The following XRN2 variants were observed in gnomAD, a reference collection of about 807,000 sequenced individuals.
XRN2 encodes the protein DHM1-like protein.
In XRN2, 44 loss-of-function variants were observed where a neutral mutation model predicts 138.5. The observed-to-expected ratio is 0.32, with a 90% CI of 0.25 to 0.41. The LOEUF (loss-of-function observed/expected upper bound fraction) is 0.41, where lower values mean the gene tolerates loss of function less well. XRN2 is among the 10% of genes least tolerant of loss of function. XRN2 has a pLI of 1.00. For synonymous variants in XRN2, 354 were observed against 369.4 expected (o/e 0.96, Z 0.48); for missense variants, 937 against 1,169.3 (o/e 0.80, Z 2.90).
intron 27 of XRN2, among the ~76,000 whole-genome samples, chr20:21,377,264 C>CTTTTTTTTTTTT (rs761622310): frequency 0.11 from 9,221 of 82,250 alleles, 2,405 homozygotes; most frequent in African/African-American, 0.35. Context: ...TCGGTTTTTT[C>CTTTTTTTTTTTT]TTTTTTTTTT....
chr20:21,389,825 CTGTTT>C (rs2038970454), downstream of XRN2: 1 of 152,606 alleles, frequency 6.6e-6, no homozygotes, highest in Non-Finnish European at 1.5e-5. Context: ...TTTTAAAACT[CTGTTT>C]TGTGTTGTTA....
At position 21,330,656 on chromosome 20, in the gene XRN2, A is replaced by C; in HGVS notation, c.527A>C (p.Tyr176Ser). 6.2e-7 allele frequency: 1 copy of C among 1,613,460 alleles called. No individual in the cohort carries two copies. The highest frequency in any genetic ancestry group is 2.2e-5 in the East Asian group (1 of 44,822). ...FMDNLAKCLR[Y>S]YIADRLNNDP... ...GACAATCTTGCTAAATGCCTTCGCT[A>C]TTACATAGCTGATCGTTTAAATAAT... The change falls in exon 6 of 30, where the codon TAT becomes TCT. Residue 176 changes from tyrosine to serine, a missense_variant. Physicochemically the swap from Tyr to Ser is moderately radical, Grantham distance 144. This residue lies in a region of XRN2 where 471 missense variants were observed against 581.2 expected (regional missense o/e 0.81). Transcript: ENST00000377191.
At position 21,334,104 on chromosome 20, in the gene XRN2, C is replaced by T. The variant is rs2038253832; in HGVS notation, c.1152C>T (p.Val384=). ...GTTACCTTACAGAAAGTGGTTATGTCAATCTGCAAAGAGTACAGATGATCA... is the reference window on the plus strand; with the variant it reads ...GTTACCTTACAGAAAGTGGTTATGTTAATCTGCAAAGAGTACAGATGATCA... ...TGGYLTESGY[V]NLQRVQMIML... is the part of the protein sequence containing the mutation. The change falls in exon 13 of 30, where the codon GTC becomes GTT. Residue 384 remains valine (V), a synonymous_variant. Transcript: ENST00000377191. The T allele has an allele frequency of 4.3e-6, 7 of 1,613,770 alleles. No homozygotes were observed. The African/African-American group carries it at 6.7e-5, about 15-fold the overall frequency.
intron 27 of XRN2, among the ~76,000 whole-genome samples, chr20:21,374,733 A>C: frequency 6.6e-6 from 1 of 152,016 alleles, no homozygotes; most frequent in African/African-American, 2.4e-5. Context: ...AAATCTATGT[A>C]TTATGAGAGA....
intron 20 of XRN2, among the ~76,000 whole-genome samples, chr20:21,353,223 GATATATATATATATATATATATAT>G (rs869071652): frequency 8.8e-5 from 10 of 113,858 alleles, no homozygotes; most frequent in Non-Finnish European, 1.2e-4. Flanking sequence ...TAGTGGGTAG[GATATATATATATATATATATATAT>G]ATATATATAT....
intron 1 of XRN2, among the ~76,000 whole-genome samples, chr20:21,314,574 A>G (rs2037931428): frequency 6.6e-6 from 1 of 151,656 alleles, no homozygotes; most frequent in African/African-American, 2.4e-5. Context: ...GCAGCCTTGA[A>G]CTCCTGGGTT....
chr20:21,348,070 A>G (rs1351581663), intron 17 of XRN2, 76 bp from the exon 18 acceptor site: 1 of 1,124,668 alleles, frequency 8.9e-7, no homozygotes, highest in Non-Finnish European at 1.2e-6. Context: ...TTAACAGTCT[A>G]ATTTTTGTTT....
rs1568584077 is a variant in XRN2 at position 21,348,116 on chromosome 20, A to T, written c.1666-30A>T. The stretch of plus-strand genomic sequence containing the variant: ...TGTTCATCATTAACATAGGTTTTTG[A>T]TTTTGTTGTTACTTTTTTAATGATT... On this transcript the variant is annotated intron_variant, in intron 17 of 29. Transcript: ENST00000377191. The T allele has an allele frequency of 2.5e-6, 4 of 1,570,428 alleles. No individual in the cohort carries two copies. The Admixed American group carries it at 6.2e-5, about 24-fold the overall frequency.
intron 16 of XRN2, among the ~76,000 whole-genome samples, chr20:21,345,592 T>G (rs1341161145): frequency 6.6e-6 from 1 of 152,172 alleles, no homozygotes; most frequent in African/African-American, 2.4e-5. Flanking sequence ...TTCTTTATGT[T>G]CCTTAAATGT....
intron 14 of XRN2, among the ~76,000 whole-genome samples, chr20:21,339,759 T>G (rs1389916312): frequency 6.6e-6 from 1 of 152,200 alleles, no homozygotes; most frequent in Non-Finnish European, 1.5e-5. Flanking sequence ...CTCTGGTGCT[T>G]CCTATGTCTG....
In XRN2 at chr20:21,344,175, G is replaced by A. The variant is rs1215542052; in HGVS notation, c.1496G>A (p.Ser499Asn). ...GGAATTAAGCGAAAAGCAGAAGACA[G>A]TGACAGTGAACCTGAGCCAGAGGAT... Reference protein sequence around the residue: ...LGGIKRKAEDSDSEPEPEDNV... With the variant: ...LGGIKRKAEDNDSEPEPEDNV... Residue 499 changes from serine to asparagine, a missense_variant, in exon 16 of 30, where the codon AGT (serine) becomes AAT (asparagine). By Grantham distance (46) the Ser-to-Asn change is conservative. Around this residue, in one of 6 missense-constraint regions of XRN2, gnomAD observed 471 missense variants for 581.2 expected, o/e 0.81. Transcript: ENST00000377191. 6 of 1,613,218 alleles carry A rather than the reference G, an allele frequency of 3.7e-6. No individual in the cohort carries two copies. In the Admixed American group the frequency reaches 1.0e-4, roughly 27 times the overall value.
chr20:21,332,172 A>T, intron 8 of XRN2, 111 bp from the exon 9 acceptor site: 1 of 1,338,132 alleles, frequency 7.5e-7, no homozygotes, highest in African/African-American at 1.5e-5. Context: ...TTTGCTGCTC[A>T]TTTGGGTGCT....
intron 27 of XRN2, among the ~76,000 whole-genome samples, chr20:21,371,950 T>C (rs537900545): frequency 1.4e-4 from 21 of 152,380 alleles, no homozygotes; most frequent in African/African-American, 4.8e-4. Flanking sequence ...TTTATTAATA[T>C]TACTTTGGTT....
chr20:21,309,283 T>TG (rs1438631187), intron 1 of XRN2, among the ~76,000 whole-genome samples: 1 of 152,228 alleles, frequency 6.6e-6, no homozygotes, highest in Admixed American at 6.5e-5. Context: ...CATCTGGACT[T>TG]GGAGTTTTGT....
chr20:21,346,360 A>G, intron 16 of XRN2, 55 bp from the exon 17 acceptor site: 1 of 1,597,514 alleles, frequency 6.3e-7, no homozygotes, highest in Non-Finnish European at 8.6e-7. Flanking sequence ...ATTAGTAGAC[A>G]GCCTGTTACT....
chr20:21,337,334 C>G (rs991631789), intron 13 of XRN2, among the ~76,000 whole-genome samples: 4 of 152,080 alleles, frequency 2.6e-5, no homozygotes, highest in Admixed American at 6.5e-5. Context: ...AAGGTAGAAC[C>G]AGTGGGATTG....
At position 21,332,322 on chromosome 20, in the gene XRN2, A is replaced by T; in HGVS notation, c.740A>T (p.Asn247Ile). 1 of 1,613,858 alleles carries T rather than the reference A, an allele frequency of 6.2e-7. No homozygotes were observed. The highest frequency in any genetic ancestry group is 8.5e-7 in the Non-Finnish European group (1 of 1,179,860). ...IMLGLATHEPNFTIIREEFKP... is the reference protein window; with the variant it reads ...IMLGLATHEPIFTIIREEFKP... ...CTTGGCCTTGCCACACATGAACCGA[A>T]CTTTACCATTATTAGAGAAGAATTC... The change falls in exon 9 of 30, where the codon AAC becomes ATC. Residue 247 changes from asparagine to isoleucine, a missense_variant. Coordinates refer to ENST00000377191, the MANE Select transcript of XRN2 (RefSeq NM_012255.5).
At chr20:21,370,596 C>G (rs993616643) in intron 27 of XRN2, among the ~76,000 whole-genome samples, 1 of 152,152 alleles carries the variant, frequency 6.6e-6, no homozygotes, top group African/African-American at 2.4e-5. Context: ...ACAATATAGC[C>G]AGGGACTGCT....
At chr20:21,353,006 A>G (rs2038528354) in intron 20 of XRN2, among the ~76,000 whole-genome samples, 4 of 151,908 alleles carry the variant, frequency 2.6e-5, no homozygotes, top group African/African-American at 9.7e-5. Context: ...TATGCTGGCC[A>G]GTAGGGGTAA....
Sources: gnomAD v4.1 joint callset for allele counts (sites outside exome capture counted in the v4.1 genomes callset) on GRCh38, gnomAD v4.1.1 for gene constraint, gnomAD v4.1.1 regional missense constraint, MANE v1.5 for transcripts, NCBI Gene and HGNC (gene_info 2026-07-23, HGNC 2026-07-21) for gene names.